ATP6AP2: variants seen among roughly 807,000 people sequenced by gnomAD.
The protein encoded by ATP6AP2 is ATPase H+ transporting accessory protein 2.
Under a neutral mutation model 23.4 loss-of-function variants are expected in ATP6AP2, and 1 was observed. The ratio of observed to expected loss-of-function variants is 0.04; its 90% CI spans 0.02 to 0.20. The LOEUF (loss-of-function observed/expected upper bound fraction) is 0.20. ATP6AP2 is among the 10% of genes least tolerant of loss of function. ATP6AP2 has a pLI of 1.00. For missense variants in ATP6AP2, 174 were observed against 271.3 expected, an observed-to-expected ratio of 0.64 and a Z score of 2.52; for synonymous variants, 90 against 97.1, an observed-to-expected ratio of 0.93 and a Z score of 0.43.
chrX:40,597,824 C>A, intron 5 of ATP6AP2, 160 bp downstream of exon 5: 1 of 547,583 alleles, frequency 1.8e-6, no homozygotes, highest in Non-Finnish European at 3.0e-6. Flanking sequence ...AGGCTTGAGC[C>A]ACTGCATCTG....
At chrX:40,582,974 A>G (rs765967501) in intron 1 of ATP6AP2, among the ~76,000 whole-genome samples, 1 of 112,246 alleles carries the variant, frequency 8.9e-6, no homozygotes, top group Admixed American at 9.4e-5. Flanking sequence ...ATTTTCCACA[A>G]TGACTAAATG....
chrX:40,587,021 G>A (rs1926490820), intron 1 of ATP6AP2, among the ~76,000 whole-genome samples: 2 of 112,678 alleles, frequency 1.8e-5, no homozygotes, highest in Non-Finnish European at 3.8e-5. Flanking sequence ...TGTAATCCCA[G>A]CACATAGGGA....
rs141736428 is a variant in ATP6AP2, at chrX:40,597,855, C to A, written c.534+191C>A. On this transcript the variant is annotated intron_variant, in intron 5 of 8. Transcript: ENST00000636580. ...ATCTGGCCTCCCATTCCTTATACTA[C>A]TTGAAATTTTGGAAATTTTGCTATT... The A allele has an allele frequency of 4.5e-3, 1,951 of 429,570 alleles. 32 individuals carry two copies. Among genetic ancestry groups the A allele is most frequent in the African/African-American group, 0.044 (1,760 of 40,121 alleles). 35.4% of individuals were successfully genotyped at this position (429,570 alleles called of 1,213,427 possible). A position where few individuals can be genotyped will look rare whatever the true frequency, so the allele number is the denominator to read the frequency against.
chrX:40,586,390 G>A (rs1309158828), intron 1 of ATP6AP2, among the ~76,000 whole-genome samples: 1 of 111,631 alleles, frequency 9.0e-6, no homozygotes, highest in African/African-American at 3.3e-5. Context: ...TCTGGAGGAG[G>A]GACATCCCTG....
chrX:40,592,547 C>T (rs1926660701), intron 3 of ATP6AP2: 1 of 111,024 alleles, frequency 9.0e-6, no homozygotes, highest in African/African-American at 3.3e-5. Flanking sequence ...GGAACAGAAA[C>T]TATGAGGGAG....
At chrX:40,593,514 CT>C (rs1419038483) in intron 3 of ATP6AP2, among the ~76,000 whole-genome samples, 11 of 105,127 alleles carry the variant, frequency 1.0e-4, no homozygotes, top group Non-Finnish European at 1.8e-4. Flanking sequence ...CTGCTTTTTT[CT>C]TTTTTTTTTG....
Position 40,602,539 on chromosome X carries a change from A to G in ATP6AP2, c.858+1658A>G, listed in dbSNP as rs768902752. ...GTGGCGCACGCCTGTAGTCCCAGCT[A>G]CTTAGGAGTCTGAGGCAGACAAATC... On this transcript the variant is annotated intron_variant, in intron 8 of 8. Transcript: ENST00000636580. Among the ~76,000 whole-genome samples, 122 of 107,975 alleles carry G rather than the reference A, an allele frequency of 1.1e-3. 1 individual carries two copies. The highest frequency in any genetic ancestry group is 1.9e-3 in the Non-Finnish European group (100 of 52,182). 93.8% of individuals were successfully genotyped at this position (107,975 alleles called of 115,157 possible). A position where few individuals can be genotyped will look rare whatever the true frequency, so the allele number is the denominator to read the frequency against.
At chrX:40,600,931 TAAA>T in intron 8 of ATP6AP2, 50 bp downstream of exon 8, 2 of 974,806 alleles carry the variant, frequency 2.1e-6, no homozygotes, top group Non-Finnish European at 1.4e-6. Context: ...TAACTTCTTA[TAAA>T]AAAAAAAAAA....
Position 40,581,012 on chromosome X carries a change from T to C in ATP6AP2, c.-54T>C. The C allele has an allele frequency of 8.6e-7, 1 of 1,157,780 alleles. No individual in the cohort carries two copies. Among genetic ancestry groups the C allele is most frequent in the East Asian group, 3.3e-5 (1 of 30,658 alleles). On this transcript the variant is annotated 5_prime_UTR_variant, in exon 1 of 9. Coordinates refer to ENST00000636580, the MANE Select transcript of ATP6AP2 (RefSeq NM_005765.3). ...CTCCTCACGCTGCGGCTGTCGCCCG[T>C]GTCCCGCCGGCCCGTTCCGTGTCGC...
In ATP6AP2 at chrX:40,580,988, T is replaced by G; in HGVS notation, c.-78T>G. ...CCTGGACGAGTCCGAGCGCGTCACC[T>G]CCTCACGCTGCGGCTGTCGCCCGTG... On this transcript the variant is annotated 5_prime_UTR_variant, in exon 1 of 9. Transcript: ENST00000636580. 2 of 1,125,932 alleles carry G rather than the reference T, an allele frequency of 1.8e-6. No individual in the cohort carries two copies. Among genetic ancestry groups the G allele is most frequent in the Non-Finnish European group, 2.4e-6 (2 of 838,943 alleles). 92.8% of individuals were successfully genotyped at this position (1,125,932 alleles called of 1,213,427 possible). A position where few individuals can be genotyped will look rare whatever the true frequency, so the allele number is the denominator to read the frequency against.
intron 8 of ATP6AP2, among the ~76,000 whole-genome samples, chrX:40,602,150 C>T (rs1273348415): frequency 2.0e-5 from 2 of 98,461 alleles, no homozygotes; most frequent in Non-Finnish European, 3.8e-5. Flanking sequence ...GGTGTGGTAG[C>T]GGGCACCTGT....
chrX:40,594,385 C>T (rs917605516), intron 3 of ATP6AP2, among the ~76,000 whole-genome samples: 1 of 112,341 alleles, frequency 8.9e-6, no homozygotes, highest in Non-Finnish European at 1.9e-5. Flanking sequence ...GGAGAAAAGA[C>T]ACTGTCATTA....
At chrX:40,589,321 C>T in intron 2 of ATP6AP2, 1 of 419,009 alleles carries the variant, frequency 2.4e-6, no homozygotes, top group Non-Finnish European at 4.0e-6. Context: ...TCAGTTGAAC[C>T]CAGGAATTTG....
intron 7 of ATP6AP2, 65 bp downstream of exon 7, chrX:40,599,806 A>G: frequency 8.6e-7 from 1 of 1,166,989 alleles, no homozygotes; most frequent in East Asian, 3.0e-5. Context: ...CTTAATAGAA[A>G]AATCTGCTGT....
At chrX:40,591,090 C>G (rs1287138135) in intron 2 of ATP6AP2, 144 bp from the exon 3 acceptor site, 3 of 722,093 alleles carry the variant, frequency 4.2e-6, no homozygotes, top group Non-Finnish European at 6.3e-6. Context: ...GCAACGACTG[C>G]CACAAATAAA....
intron 8 of ATP6AP2, among the ~76,000 whole-genome samples, chrX:40,601,623 G>A (rs928983178): frequency 1.8e-5 from 2 of 111,801 alleles, no homozygotes; most frequent in Non-Finnish European, 1.9e-5. Context: ...TAGGGAGGGT[G>A]ATGGGAAAGA....
intron 7 of ATP6AP2, 199 bp downstream of exon 7, chrX:40,599,940 G>A (rs1926864812): frequency 6.8e-6 from 3 of 441,631 alleles, no homozygotes; most frequent in African/African-American, 5.0e-5. Context: ...AGAAAGAACA[G>A]CATTAGGAAA....
chrX:40,604,295 T>C lies in ATP6AP2; in HGVS notation c.859-1266T>C, dbSNP rs777694037. 3.6e-5 allele frequency among the ~76,000 whole-genome samples: 4 copies of C among 111,681 alleles called. No individual in the cohort carries two copies. The East Asian group carries it at 1.1e-3, about 31-fold the overall frequency. On this transcript the variant is annotated intron_variant, in intron 8 of 8. Transcript: ENST00000636580. ...CTATAAAGAGCTACCTGACACTGGG[T>C]AATTTATAAAGGAAACAGGTTTGAT... is the stretch of plus-strand genomic sequence containing the variant.
At chrX:40,594,100 T>C (rs200832673) in intron 3 of ATP6AP2, among the ~76,000 whole-genome samples, 2 of 111,062 alleles carry the variant, frequency 1.8e-5, no homozygotes, top group Non-Finnish European at 3.8e-5. Flanking sequence ...AAAATATAAG[T>C]ATGTGAGGTG....
Sources: allele counts gnomAD v4.1 joint callset (sites outside exome capture counted in the v4.1 genomes callset), GRCh38; gene constraint gnomAD v4.1.1; transcripts MANE v1.5; gene names NCBI Gene and HGNC (gene_info 2026-07-23, HGNC 2026-07-21).